The following RHBG variants were observed in gnomAD, a reference collection of about 807,000 sequenced individuals.
RHBG encodes ammonium transporter Rh type B.
A neutral mutation model predicts 40.1 loss-of-function variants in RHBG; 39 were observed. The ratio of observed to expected loss-of-function variants is 0.97; its 90% confidence interval spans 0.75 to 1.27. The LOEUF (loss-of-function observed/expected upper bound fraction) is 1.27. Among genes scored for constraint, RHBG ranks in the 50% most tolerant of loss-of-function variants. The pLI is 0.00. For missense variants in RHBG, 549 were observed against 588.1 expected (o/e 0.93, Z 0.69); for synonymous variants, 237 against 252.5 (o/e 0.94, Z 0.58).
intron 1 of RHBG, among the ~76,000 whole-genome samples, chr1:156,373,674 C>T (rs1666999666): frequency 6.6e-6 from 1 of 152,126 alleles, no homozygotes; most frequent in South Asian, 2.1e-4. Context: ...AGTTTTGATT[C>T]CAAACAAACC....
At chr1:156,383,079 G>C (rs4618959) in intron 8 of RHBG, among the ~76,000 whole-genome samples, 1 of 151,966 alleles carries the variant, frequency 6.6e-6, no homozygotes, top group Admixed American at 6.5e-5. Flanking sequence ...TGGGGAGTCC[G>C]CGAGGGGTGA....
chr1:156,379,872 A>G (rs1667496289), intron 4 of RHBG, among the ~76,000 whole-genome samples: 1 of 152,114 alleles, frequency 6.6e-6, no homozygotes, highest in African/African-American at 2.4e-5. Context: ...CTCTCCCTCC[A>G]GGATGGACCT....
rs1258355442 is a variant in RHBG at position 156,369,345 on chromosome 1, C to T, written c.96C>T (p.Val32=). ...LQGATAVLFA[V]FVRYNHKTDA... ...GCGCCACTGCCGTCCTCTTTGCTGTCTTTGTCCGCTACAACCACAAAACCG... is the reference window on the plus strand; with the variant it reads ...GCGCCACTGCCGTCCTCTTTGCTGTTTTTGTCCGCTACAACCACAAAACCG... The change falls in exon 1 of 10, where the codon GTC becomes GTT. Residue 32 remains valine (V), a synonymous_variant. Coordinates refer to ENST00000537040, the MANE Select transcript of RHBG (RefSeq NM_020407.5). 6.2e-6 allele frequency: 10 copies of T among 1,614,226 alleles called. No individual in the cohort carries two copies. Among genetic ancestry groups the T allele is most frequent in the Non-Finnish European group, 7.6e-6 (9 of 1,180,046 alleles).
At chr1:156,374,716 A>G in intron 1 of RHBG, 3 of 326,276 alleles carry the variant, frequency 9.2e-6, no homozygotes, top group South Asian at 6.9e-5. Context: ...TCTCCTGAGT[A>G]GCTGGGATTA....
intron 4 of RHBG, among the ~76,000 whole-genome samples, chr1:156,380,598 C>T (rs897908135): frequency 6.6e-5 from 10 of 151,262 alleles, no homozygotes; most frequent in South Asian, 4.2e-4. Context: ...TGGTGGTGGG[C>T]GCCTGAAGTC....
intron 4 of RHBG, among the ~76,000 whole-genome samples, chr1:156,380,366 G>T (rs1571010759): frequency 6.6e-6 from 1 of 151,966 alleles, no homozygotes; most frequent in African/African-American, 2.4e-5. Context: ...CTCCCAAAGT[G>T]CTGGGATTAT....
Position 156,378,025 on chromosome 1 carries a change from T to C in RHBG, c.410T>C (p.Leu137Pro), listed in dbSNP as rs375019974. 7 of 1,568,844 alleles carry C rather than the reference T, an allele frequency of 4.5e-6. No homozygotes were observed. Among genetic ancestry groups the C allele is most frequent in the South Asian group, 2.4e-5 (2 of 83,486 alleles). The change falls in exon 3 of 10, where the codon CTC becomes CCC. Residue 137 changes from leucine (L) to proline (P), a missense_variant. Transcript: ENST00000537040. Reference protein sequence around the residue: ...INADFCAGAVLISFGAVLGKT... With the variant: ...INADFCAGAVPISFGAVLGKT... Reference sequence around the variant, plus strand: ...GCTGACTTTTGTGCGGGGGCCGTGCTCATCTCCTTTGGTGCCGTCCTGGGC... The same window carrying C: ...GCTGACTTTTGTGCGGGGGCCGTGCCCATCTCCTTTGGTGCCGTCCTGGGC...
chr1:156,369,639 A>G (rs1293684362), intron 1 of RHBG, among the ~76,000 whole-genome samples: 3 of 152,160 alleles, frequency 2.0e-5, no homozygotes, highest in Non-Finnish European at 4.4e-5. Context: ...CATATGCCTT[A>G]TCTCACTTAG....
intron 5 of RHBG, 69 bp from the exon 6 acceptor site, chr1:156,381,737 G>A (rs1043122120): frequency 2.4e-5 from 37 of 1,528,740 alleles, no homozygotes; most frequent in African/African-American, 4.2e-5. Flanking sequence ...TGTCACTGTG[G>A]TGTGTAGGGT....
In RHBG at chr1:156,377,978, C is replaced by T. The variant is rs1208087542; in HGVS notation, c.375-12C>T. On this transcript the variant is annotated splice_polypyrimidine_tract_variant and intron_variant, in intron 2 of 9. Coordinates refer to ENST00000537040, the MANE Select transcript of RHBG (RefSeq NM_020407.5). This position sits in a 1 kb window ranked among gnomAD's most constrained non-coding sequence, Gnocchi z 4.6. The stretch of plus-strand genomic sequence containing the variant: ...GACCCCTCTTGTGCTCCCACTTCTG[C>T]CCCATCCCCAGCATGATCAATGCTG... 1 of 1,532,196 alleles carries T rather than the reference C, an allele frequency of 6.5e-7. No individual in the cohort carries two copies. Among genetic ancestry groups the T allele is most frequent in the East Asian group, 2.3e-5 (1 of 43,976 alleles). The allele number at this position is 1,532,196 out of a possible 1,614,324, so 94.9% of individuals were successfully genotyped here. A position where few individuals can be genotyped will look rare whatever the true frequency, so the allele number is the denominator to read the frequency against.
At chr1:156,371,163 T>TC (rs1666827281) in intron 1 of RHBG, 1 of 431,982 alleles carries the variant, frequency 2.3e-6, no homozygotes, top group Admixed American at 2.7e-5. Context: ...TTATTTTCTT[T>TC]CTTTTTTTTT....
chr1:156,379,703 G>A (rs1414929949), intron 4 of RHBG, among the ~76,000 whole-genome samples: 1 of 152,178 alleles, frequency 6.6e-6, no homozygotes, highest in Non-Finnish European at 1.5e-5. Context: ...GGATGCAAAT[G>A]TGAGTGTGGG....
chr1:156,375,787 T>C (rs1667151217), intron 1 of RHBG, among the ~76,000 whole-genome samples: 2 of 151,986 alleles, frequency 1.3e-5, no homozygotes, highest in Admixed American at 1.3e-4. Flanking sequence ...GTTGCCAGGC[T>C]GGAGTGCAAT....
chr1:156,375,601 G>A (rs1020523529), intron 1 of RHBG, among the ~76,000 whole-genome samples: 2 of 152,166 alleles, frequency 1.3e-5, no homozygotes, highest in African/African-American at 4.8e-5. Context: ...TTGAGGCCAG[G>A]AGTTTGAGAG....
At chr1:156,379,536 TA>T (rs562078417) in intron 4 of RHBG, among the ~76,000 whole-genome samples, 54 of 152,280 alleles carry the variant, frequency 3.5e-4, no homozygotes, top group Admixed American at 9.8e-4. Context: ...GAGACCCAGA[TA>T]AGTTTGCCTT....
intron 1 of RHBG, among the ~76,000 whole-genome samples, chr1:156,370,759 G>T (rs189906493): frequency 4.6e-5 from 7 of 152,172 alleles, no homozygotes; most frequent in African/African-American, 9.6e-5. Context: ...TCTCAGAGGG[G>T]TTGTGAGTTG....
intron 8 of RHBG, chr1:156,384,293 A>G (rs1571024768): frequency 1.7e-6 from 1 of 603,376 alleles, no homozygotes; most frequent in Non-Finnish European, 3.0e-6. Context: ...TAATACAGGA[A>G]TAATATTGGC....
intron 1 of RHBG, among the ~76,000 whole-genome samples, chr1:156,370,473 G>C (rs189816950): frequency 2.0e-5 from 3 of 151,332 alleles, no homozygotes; most frequent in African/African-American, 7.3e-5. Context: ...TTAGCCGAGC[G>C]TGGTGGCAGG....
At chr1:156,374,283 G>A (rs891907687) in intron 1 of RHBG, among the ~76,000 whole-genome samples, 2 of 152,166 alleles carry the variant, frequency 1.3e-5, no homozygotes, top group African/African-American at 4.8e-5. Context: ...ATTTGTCCAG[G>A]AAACTGGTGC....
Sources: allele counts gnomAD v4.1 joint callset (sites outside exome capture counted in the v4.1 genomes callset), GRCh38; gene constraint gnomAD v4.1.1; non-coding constraint Gnocchi (gnomAD v3.1); transcripts MANE v1.5; gene names NCBI Gene and HGNC (gene_info 2026-07-23, HGNC 2026-07-21).